Variants in ABCA13 observed in about 807,000 individuals in gnomAD.
ABCA13 encodes ATP binding cassette subfamily A member 13, also known as ATP-binding cassette sub-family A member 13.
Under a neutral mutation model 478.7 loss-of-function variants are expected in ABCA13, and 476 were observed. The ratio of observed to expected loss-of-function variants is 0.99; its 90% CI spans 0.92 to 1.07. ABCA13 has a LOEUF of 1.07. Among genes scored for constraint, ABCA13 ranks in the 50% least tolerant of loss-of-function variants. ABCA13 has a pLI of 0.00. For missense variants in ABCA13, 6,060 were observed against 5,910.6 expected (o/e 1.03, Z -0.83); for synonymous variants, 2,252 against 2,158.9 (o/e 1.04, Z -1.20).
At chr7:48,609,819 C>A (rs1168758437) in intron 58 of ABCA13, among the ~76,000 whole-genome samples, 2 of 152,042 alleles carry the variant, frequency 1.3e-5, no homozygotes, top group African/African-American at 4.8e-5. Flanking sequence ...TTGTTAACAA[C>A]CAGATCTCAT....
chr7:48,400,090 A>G (rs1179542460), intron 38 of ABCA13, among the ~76,000 whole-genome samples: 1 of 147,888 alleles, frequency 6.8e-6, no homozygotes, highest in African/African-American at 2.5e-5. Context: ...TCCCCACTTC[A>G]CTTACTCTCA....
chr7:48,400,646 T>C (rs752274576), intron 38 of ABCA13, among the ~76,000 whole-genome samples: 37 of 152,334 alleles, frequency 2.4e-4, no homozygotes, highest in Admixed American at 1.2e-3. Flanking sequence ...AATTTTTAAG[T>C]CCACTCTAAG....
At chr7:48,619,678 G>A (rs1265116619) in intron 59 of ABCA13, among the ~76,000 whole-genome samples, 5 of 152,132 alleles carry the variant, frequency 3.3e-5, no homozygotes, top group Non-Finnish European at 7.3e-5. Context: ...TTCCGTGAAA[G>A]TGTCATATAT....
chr7:48,370,071 G>A (rs996210668), intron 32 of ABCA13, among the ~76,000 whole-genome samples: 4 of 152,086 alleles, frequency 2.6e-5, no homozygotes, highest in Non-Finnish European at 2.9e-5. Flanking sequence ...TCTTTTAACA[G>A]TGTTTTGTAG....
chr7:48,625,486 C>A (rs1057277898), intron 59 of ABCA13, among the ~76,000 whole-genome samples: 3 of 152,120 alleles, frequency 2.0e-5, no homozygotes, highest in African/African-American at 7.2e-5. Context: ...TGCTACTAAC[C>A]ACTGAATTAA....
Position 48,637,381 on chromosome 7 carries a change from CAAAA to C in ABCA13, c.14838-5885_14838-5882del, listed in dbSNP as rs1156643955. On this transcript the variant is annotated intron_variant, in intron 59 of 61. Transcript: ENST00000435803. The stretch of plus-strand genomic sequence containing the variant: ...TGTTTTCTTTATTATGTTCATAAAG[CAAAA>C]AAAAAAAAAAAAAAAAAAAAACAGA... Among the ~76,000 whole-genome samples the C allele has an allele frequency of 0.01, 208 of 20,254 alleles. No individual in the cohort carries two copies. In the South Asian group the frequency reaches 0.12, roughly 11 times the overall value. The allele number at this position is 20,254 out of a possible 152,430, so 13.3% of individuals were successfully genotyped here. A position where few individuals can be genotyped will look rare whatever the true frequency, so the allele number is the denominator to read the frequency against.
At position 48,616,028 on chromosome 7, in the gene ABCA13, G is replaced by T. The variant is rs983443148; in HGVS notation, c.14837+651G>T. 3.3e-5 allele frequency among the ~76,000 whole-genome samples: 5 copies of T among 151,918 alleles called. No homozygotes were observed. In the South Asian group the frequency reaches 1.0e-3, roughly 32 times the overall value. ...CTGGTATAACATTAAAAAAATTAAA[G>T]TTGCCTAAATACACGTCCAATTTTC... On this transcript the variant is annotated intron_variant, in intron 59 of 61. Transcript: ENST00000435803.
intron 34 of ABCA13, among the ~76,000 whole-genome samples, chr7:48,375,344 C>T (rs977210227): frequency 1.1e-4 from 16 of 152,108 alleles, no homozygotes; most frequent in African/African-American, 3.6e-4. Context: ...TCTAGTTCTT[C>T]CTTTCTAATT....
intron 42 of ABCA13, among the ~76,000 whole-genome samples, chr7:48,452,306 G>A (rs1338474018): frequency 1.3e-5 from 2 of 152,186 alleles, no homozygotes; most frequent in Non-Finnish European, 2.9e-5. Flanking sequence ...ATGACATTCA[G>A]AGAGGTTAAA....
chr7:48,294,807 G>A (rs1799146496), intron 20 of ABCA13, among the ~76,000 whole-genome samples: 1 of 152,188 alleles, frequency 6.6e-6, no homozygotes, highest in South Asian at 2.1e-4. Flanking sequence ...TCCTGTAATA[G>A]TTTTCTTTTT....
chr7:48,627,788 T>C (rs1358409), intron 59 of ABCA13, among the ~76,000 whole-genome samples: 114,037 of 152,042 alleles, frequency 0.75, 43,865 homozygotes, highest in African/African-American at 0.93. Flanking sequence ...GAGGGCCTAG[T>C]GCTGCTGGAT....
In ABCA13 at chr7:48,384,622, C is replaced by T. The variant is rs186629110; in HGVS notation, c.11336-3200C>T. On this transcript the variant is annotated intron_variant, in intron 35 of 61. Coordinates refer to ENST00000435803, the MANE Select transcript of ABCA13 (RefSeq NM_152701.5). The stretch of plus-strand genomic sequence containing the variant: ...CTGGCTGTGATATGACCTGATTATC[C>T]AGCTGCTACTCATCCTCTTCCTACA... Among the ~76,000 whole-genome samples, 3 of 152,316 alleles carry T rather than the reference C, an allele frequency of 2.0e-5. No individual in the cohort carries two copies. In the East Asian group the frequency reaches 5.8e-4, roughly 29 times the overall value.
intron 47 of ABCA13, among the ~76,000 whole-genome samples, chr7:48,488,975 T>C (rs1306079207): frequency 6.6e-6 from 1 of 152,116 alleles, no homozygotes; most frequent in Non-Finnish European, 1.5e-5. Flanking sequence ...TATAAGAAAA[T>C]AATTATAGAG....
chr7:48,241,190 G>A, intron 10 of ABCA13, 124 bp downstream of exon 10: 1 of 1,212,106 alleles, frequency 8.3e-7, no homozygotes, highest in East Asian at 2.5e-5. Flanking sequence ...TTTCTTGTTA[G>A]CAAATGGGAA....
intron 16 of ABCA13, among the ~76,000 whole-genome samples, chr7:48,270,713 C>G (rs1293060023): frequency 1.3e-5 from 2 of 152,116 alleles, no homozygotes; most frequent in African/African-American, 4.8e-5. Flanking sequence ...GGGAAGTAAA[C>G]AGCATTCTTG....
At chr7:48,644,489 A>T (rs1387651226) in intron 60 of ABCA13, 128 bp from the exon 61 acceptor site, 13 of 988,256 alleles carry the variant, frequency 1.3e-5, no homozygotes, top group Middle Eastern at 6.5e-4. Flanking sequence ...TTCATTGGAG[A>T]CTCACAAAAT....
intron 58 of ABCA13, among the ~76,000 whole-genome samples, chr7:48,610,482 C>A (rs1455836767): frequency 6.6e-6 from 1 of 152,158 alleles, no homozygotes; most frequent in Non-Finnish European, 1.5e-5. Flanking sequence ...AGTGGATGTA[C>A]CATTCTGTGG....
chr7:48,472,345 A>G (rs1827590232), intron 45 of ABCA13, among the ~76,000 whole-genome samples: 1 of 152,248 alleles, frequency 6.6e-6, no homozygotes. Context: ...AATTCTCCTT[A>G]ATAGTTGTCA....
intron 55 of ABCA13, among the ~76,000 whole-genome samples, chr7:48,563,326 G>A (rs930861807): frequency 6.6e-6 from 1 of 152,126 alleles, no homozygotes; most frequent in Non-Finnish European, 1.5e-5. Flanking sequence ...TGTGAGGTCA[G>A]TTTGGGTTAT....
Sources: allele counts gnomAD v4.1 joint callset (sites outside exome capture counted in the v4.1 genomes callset), GRCh38; gene constraint gnomAD v4.1.1; transcripts MANE v1.5; gene names NCBI Gene and HGNC (gene_info 2026-07-23, HGNC 2026-07-21).